The following AHCTF1 variants were observed in gnomAD, a reference collection of about 807,000 sequenced individuals.
The protein encoded by AHCTF1 is AT-hook containing transcription factor 1.
Under a neutral mutation model 248.4 loss-of-function variants are expected in AHCTF1, and 24 were observed. The ratio of observed to expected loss-of-function variants is 0.10; its 90% CI spans 0.07 to 0.14. The LOEUF (loss-of-function observed/expected upper bound fraction) is 0.14, where lower values mean the gene tolerates loss of function less well. Among genes scored for constraint, AHCTF1 ranks in the 10% least tolerant of loss-of-function variants. AHCTF1 has a pLI of 1.00. For missense variants in AHCTF1, 2,206 were observed against 2,636.2 expected (o/e 0.84, Z 3.57); for synonymous variants, 786 against 929.8 (o/e 0.85, Z 2.81).
At chr1:246,863,821 C>T in intron 27 of AHCTF1, 103 bp downstream of exon 27, 2 of 1,163,420 alleles carry the variant, frequency 1.7e-6, no homozygotes, top group South Asian at 1.4e-5. Context: ...TTTCCCAGCA[C>T]TCCCCAAGCG....
chr1:246,867,957 T>G, intron 24 of AHCTF1, 146 bp from the exon 25 acceptor site: 2 of 242,252 alleles, frequency 8.3e-6, no homozygotes, highest in Non-Finnish European at 1.4e-5. Context: ...TTTAATTATA[T>G]ATATATAATT....
Position 246,855,589 on chromosome 1 carries a change from C to T in AHCTF1, c.4354+141G>A, listed in dbSNP as rs570159320. The stretch of plus-strand genomic sequence containing the variant: ...ATATCTCCTTAGAATACTTCTACAC[C>T]AGGAAAGCTGACCAGAGAGAGGAAT... On this transcript the variant is annotated intron_variant, in intron 31 of 35. Coordinates refer to ENST00000648844, the MANE Select transcript of AHCTF1 (RefSeq NM_001323342.2). 2.4e-4 allele frequency: 155 copies of T among 641,798 alleles called. No individual in the cohort carries two copies. In the African/African-American group the frequency reaches 2.8e-3, roughly 12 times the overall value. The allele number at this position is 641,798 out of a possible 1,614,324, so 39.8% of individuals were successfully genotyped here. A position where few individuals can be genotyped will look rare whatever the true frequency, so the allele number is the denominator to read the frequency against.
At chr1:246,847,629 A>G (rs1471243485) in intron 33 of AHCTF1, among the ~76,000 whole-genome samples, 1 of 152,162 alleles carries the variant, frequency 6.6e-6, no homozygotes, top group East Asian at 1.9e-4. Flanking sequence ...CCTCCCAAGT[A>G]GCTGGGACCA....
At position 246,861,258 on chromosome 1, in the gene AHCTF1, G is replaced by C. The variant is rs201984673; in HGVS notation, c.3773C>G (p.Pro1258Arg). The change falls in exon 29 of 36, where the codon CCT becomes CGT. Residue 1258 changes from proline to arginine, a missense_variant. Physicochemically the swap from Pro to Arg is moderately radical, Grantham distance 103. Around this residue, in one of 6 missense-constraint regions of AHCTF1, gnomAD observed 955 missense variants for 1,055.6 expected, o/e 0.90. Transcript: ENST00000648844. ...TTCCACTGGAACTGCACATTTTTTA[G>C]GTGTAGTAAATACTTCTAATTTGCT... ...DDSKLEVFTT[P>R]KKCAVPVETE... The C allele has an allele frequency of 6.2e-5, 100 of 1,612,102 alleles. No individual in the cohort carries two copies. Among genetic ancestry groups the C allele is most frequent in the Non-Finnish European group, 8.3e-5 (98 of 1,179,028 alleles).
At chr1:246,848,519 A>G (rs1158856147) in intron 33 of AHCTF1, among the ~76,000 whole-genome samples, 1 of 151,132 alleles carries the variant, frequency 6.6e-6, no homozygotes, top group Non-Finnish European at 1.5e-5. Flanking sequence ...TACTTTATTT[A>G]TAAGGTCCTG....
intron 1 of AHCTF1, among the ~76,000 whole-genome samples, chr1:246,928,856 G>A (rs2103263484): frequency 6.6e-6 from 1 of 152,282 alleles, no homozygotes; most frequent in Non-Finnish European, 1.5e-5. Flanking sequence ...AGTGGACCCA[G>A]AAACTTCAAG....
At chr1:246,916,111 GA>G in intron 3 of AHCTF1, 30 bp downstream of exon 3, 1 of 1,593,448 alleles carries the variant, frequency 6.3e-7, no homozygotes, top group Middle Eastern at 1.7e-4. Flanking sequence ...TTTTGAAAGA[GA>G]AATGTCCAGG....
intron 24 of AHCTF1, among the ~76,000 whole-genome samples, chr1:246,871,427 C>T (rs1213387190): frequency 6.6e-6 from 1 of 152,216 alleles, no homozygotes; most frequent in Non-Finnish European, 1.5e-5. Flanking sequence ...CACAAATACT[C>T]AACCACTACT....
chr1:246,904,093 G>A, intron 6 of AHCTF1, 60 bp from the exon 7 acceptor site: 2 of 1,391,398 alleles, frequency 1.4e-6, no homozygotes, highest in Non-Finnish European at 2.0e-6. Flanking sequence ...ATCTCTTACT[G>A]TCCAAGTAAG....
intron 3 of AHCTF1, among the ~76,000 whole-genome samples, chr1:246,914,510 T>C (rs1202445552): frequency 6.6e-6 from 1 of 152,224 alleles, no homozygotes; most frequent in Non-Finnish European, 1.5e-5. Context: ...ACTTCATCAC[T>C]TTTTCTTTTC....
At chr1:246,847,500 G>A (rs1007304014) in intron 33 of AHCTF1, among the ~76,000 whole-genome samples, 4 of 152,014 alleles carry the variant, frequency 2.6e-5, no homozygotes, top group Non-Finnish European at 4.4e-5. Context: ...AAGTAGGCAT[G>A]TATTGTTTTT....
intron 7 of AHCTF1, 79 bp from the exon 8 acceptor site, chr1:246,902,754 A>G: frequency 1.5e-6 from 2 of 1,362,522 alleles, no homozygotes; most frequent in Non-Finnish European, 2.0e-6. Context: ...CTCCAAATTT[A>G]AAGATTGTTC....
In AHCTF1 at chr1:246,913,131, A is replaced by C. The variant is rs1215225506; in HGVS notation, c.556+101T>G. 3 of 963,584 alleles carry C rather than the reference A, an allele frequency of 3.1e-6. No homozygotes were observed. In the East Asian group the frequency reaches 8.4e-5, roughly 27 times the overall value. The allele number at this position is 963,584 out of a possible 1,614,324, so 59.7% of individuals were successfully genotyped here. A position where few individuals can be genotyped will look rare whatever the true frequency, so the allele number is the denominator to read the frequency against. On this transcript the variant is annotated intron_variant, in intron 4 of 35. Transcript: ENST00000648844. ...TTTTATAGATAGGAAGATATCTTTT[A>C]TTTTACTCCAGCTGCTATAAAAAAA...
At position 246,853,213 on chromosome 1, in the gene AHCTF1, C is replaced by T; in HGVS notation, c.4441G>A (p.Glu1481Lys). 1.2e-6 allele frequency: 2 copies of T among 1,613,694 alleles called. No individual in the cohort carries two copies. Among genetic ancestry groups the T allele is most frequent in the South Asian group, 2.2e-5 (2 of 90,954 alleles). The change falls in exon 32 of 36, where the codon GAA (glutamate) becomes AAA (lysine). Residue 1481 changes from glutamate (E) to lysine (K), a missense_variant. Around this residue, in one of 6 missense-constraint regions of AHCTF1, gnomAD observed 955 missense variants for 1,055.6 expected, o/e 0.90. Transcript: ENST00000648844. ...TCTTCTTTTAAGTTCAGCGCTACTT[C>T]CTGGTTAAGCCTGCGCTCAGAGACA... ...PIVSERRLNQEVALNLKEDHE... is the reference protein window; with the variant it reads ...PIVSERRLNQKVALNLKEDHE...
At chr1:246,915,738 G>A (rs1365764686) in intron 3 of AHCTF1, among the ~76,000 whole-genome samples, 1 of 152,024 alleles carries the variant, frequency 6.6e-6, no homozygotes, top group Non-Finnish European at 1.5e-5. Flanking sequence ...GACTATTGTC[G>A]CAAATTTAAA....
At chr1:246,870,455 G>A (rs1020231599) in intron 24 of AHCTF1, among the ~76,000 whole-genome samples, 2 of 152,066 alleles carry the variant, frequency 1.3e-5, no homozygotes, top group East Asian at 1.9e-4. Context: ...AAGATGTGAT[G>A]AATTGCTGTA....
At chr1:246,888,120 T>A in intron 19 of AHCTF1, 57 bp downstream of exon 19, 1 of 1,576,892 alleles carries the variant, frequency 6.3e-7, no homozygotes, top group South Asian at 1.1e-5. Flanking sequence ...TCCACTACTC[T>A]TGAAATTTTA....
Position 246,850,670 on chromosome 1 carries a change from G to A in AHCTF1, c.5336C>T (p.Ala1779Val), listed in dbSNP as rs1660639101. Residue 1779 changes from alanine (A) to valine (V), a missense_variant, in exon 33 of 36, where the codon GCA becomes GTA. Ala to Val is a moderately conservative substitution (Grantham distance 64). Coordinates refer to ENST00000648844, the MANE Select transcript of AHCTF1 (RefSeq NM_001323342.2). ...GQSVRKKTRKAKEISEASENI... is the reference protein window; with the variant it reads ...GQSVRKKTRKVKEISEASENI... Reference sequence around the variant, plus strand: ...TTCAGAAGCTTCAGAAATTTCTTTTGCCTTCCTAGTTTTCTTCCTGACTGA... The same window carrying A: ...TTCAGAAGCTTCAGAAATTTCTTTTACCTTCCTAGTTTTCTTCCTGACTGA... 8 of 1,613,934 alleles carry A rather than the reference G, an allele frequency of 5.0e-6. No homozygotes were observed. Among genetic ancestry groups the A allele is most frequent in the Non-Finnish European group, 6.8e-6 (8 of 1,179,866 alleles).
In AHCTF1 at chr1:246,858,850, G is replaced by T. The variant is rs1454837595; in HGVS notation, c.4133-1036C>A. ...TTTCTATTTGAGACTGCCTAATATT[G>T]TAAGAATAATCAGTGAAGATAATGC... On this transcript the variant is annotated intron_variant, in intron 29 of 35. Transcript: ENST00000648844. Among the ~76,000 whole-genome samples, 6 of 151,472 alleles carry T rather than the reference G, an allele frequency of 4.0e-5. No individual in the cohort carries two copies. In the East Asian group the frequency reaches 5.8e-4, roughly 15 times the overall value.
Sources: allele counts gnomAD v4.1 joint callset (sites outside exome capture counted in the v4.1 genomes callset), GRCh38; gene constraint gnomAD v4.1.1; regional missense constraint gnomAD v4.1.1; transcripts MANE v1.5; gene names NCBI Gene and HGNC (gene_info 2026-07-23, HGNC 2026-07-21).